ZNF492: variants seen among roughly 807,000 people sequenced by gnomAD.
The protein encoded by ZNF492 is zinc finger protein 492, also known as zinc finger protein 115 (Y20).
Under a neutral mutation model 6.4 loss-of-function variants are expected in ZNF492, and 3 were observed. The observed-to-expected ratio is 0.47, with a 90% CI of 0.21 to 1.22. The LOEUF (loss-of-function observed/expected upper bound fraction) is 1.22, where lower values mean the gene tolerates loss of function less well. Among genes scored for constraint, ZNF492 ranks in the 50% most tolerant of loss-of-function variants. The pLI, the probability that ZNF492 is intolerant of heterozygous loss-of-function variation, is 0.22. For missense variants in ZNF492, 356 were observed against 612.5 expected (o/e 0.58, Z 4.42); for synonymous variants, 112 against 205.3 (o/e 0.55, Z 3.89).
At chr19:22,651,363 T>TA (rs1971938333) in intron 1 of ZNF492, among the ~76,000 whole-genome samples, 1 of 152,008 alleles carries the variant, frequency 6.6e-6, no homozygotes, top group Non-Finnish European at 1.5e-5. Context: ...GCCCTGCCCC[T>TA]AAAAAATGGC....
intron 1 of ZNF492, among the ~76,000 whole-genome samples, chr19:22,641,828 C>G (rs369551345): frequency 2.0e-5 from 3 of 152,128 alleles, no homozygotes; most frequent in Non-Finnish European, 4.4e-5. Context: ...GAGTCTTGCT[C>G]TGTTGCCCAG....
chr19:22,656,382 A>C (rs62118813), intron 3 of ZNF492, among the ~76,000 whole-genome samples: 24,037 of 150,930 alleles, frequency 0.16, 2,721 homozygotes, highest in African/African-American at 0.33. Flanking sequence ...AGATTTCTGC[A>C]CTTGGGTCTG....
intron 3 of ZNF492, among the ~76,000 whole-genome samples, chr19:22,660,146 G>GT (rs1035596934): frequency 3.1e-4 from 47 of 151,494 alleles, no homozygotes; most frequent in Admixed American, 2.2e-3. Context: ...CCCTTTTAGT[G>GT]TTTTTTATCA....
At chr19:22,636,777 G>A (rs1184037771) in intron 1 of ZNF492, among the ~76,000 whole-genome samples, 7 of 150,402 alleles carry the variant, frequency 4.7e-5, no homozygotes, top group African/African-American at 7.4e-5. Context: ...GGGATTACAG[G>A]CATGCGCCAC....
intron 1 of ZNF492, 61 bp downstream of exon 1, chr19:22,634,535 A>G: frequency 1.5e-6 from 2 of 1,348,934 alleles, no homozygotes; most frequent in Non-Finnish European, 2.1e-6. Context: ...ACCGGTGGCA[A>G]GAGGCTGTGG....
chr19:22,649,144 A>G (rs1971914252), intron 1 of ZNF492, among the ~76,000 whole-genome samples: 1 of 152,050 alleles, frequency 6.6e-6, no homozygotes, highest in South Asian at 2.1e-4. Flanking sequence ...ATCCCTCAGC[A>G]TTTGCTTGTC....
intron 2 of ZNF492, 149 bp from the exon 3 acceptor site, chr19:22,653,771 A>G (rs1433319266): frequency 2.8e-6 from 2 of 716,116 alleles, no homozygotes; most frequent in East Asian, 3.2e-5. Context: ...AAATTAAAAT[A>G]TTTCCTAAAT....
chr19:22,645,602 A>G (rs1362978976), intron 1 of ZNF492, among the ~76,000 whole-genome samples: 2 of 152,142 alleles, frequency 1.3e-5, no homozygotes, highest in African/African-American at 4.8e-5. Flanking sequence ...GCCGATGCCT[A>G]TGTCCTGAAT....
In ZNF492 at chr19:22,666,571, A is replaced by C. The variant is rs1478930474; in HGVS notation, c.*1306A>C. ...TATGAGGATTATTTTTTATTAGGTG[A>C]GCATTTATGACCTCTTCTATGAAAG... On this transcript the variant is annotated 3_prime_UTR_variant, in exon 4 of 4. Transcript: ENST00000456783. The C allele has an allele frequency of 2.0e-5, 3 of 152,086 alleles. No homozygotes were observed. Among genetic ancestry groups the C allele is most frequent in the African/African-American group, 7.2e-5 (3 of 41,436 alleles). 9.4% of individuals were successfully genotyped at this position (152,086 alleles called of 1,614,324 possible).
At chr19:22,659,840 A>G (rs1158093545) in intron 3 of ZNF492, among the ~76,000 whole-genome samples, 2 of 151,448 alleles carry the variant, frequency 1.3e-5, no homozygotes, top group African/African-American at 4.9e-5. Context: ...TAATTTTTGT[A>G]TTTTTAGTAG....
At position 22,665,373 on chromosome 19, in the gene ZNF492, A is replaced by T. The variant is rs942256586; in HGVS notation, c.*108A>T. Reference sequence around the variant, plus strand: ...ACAAGTGTGAATGAACAGTGTGGCAAAACTTACACAATGCTCAAACCTTAT... The same window carrying T: ...ACAAGTGTGAATGAACAGTGTGGCATAACTTACACAATGCTCAAACCTTAT... On this transcript the variant is annotated 3_prime_UTR_variant, in exon 4 of 4. Coordinates refer to ENST00000456783, the MANE Select transcript of ZNF492 (RefSeq NM_020855.3). 1 of 1,481,460 alleles carries T rather than the reference A, an allele frequency of 6.8e-7. No individual in the cohort carries two copies. The highest frequency in any genetic ancestry group is 9.0e-7 in the Non-Finnish European group (1 of 1,117,282). 91.8% of individuals were successfully genotyped at this position (1,481,460 alleles called of 1,614,324 possible).
chr19:22,635,410 A>G (rs1364054359), intron 1 of ZNF492, among the ~76,000 whole-genome samples: 1 of 152,136 alleles, frequency 6.6e-6, no homozygotes, highest in Admixed American at 6.5e-5. Flanking sequence ...CCTAATTTAC[A>G]TTATTATTTG....
chr19:22,641,525 G>C lies in ZNF492; in HGVS notation c.-94+7051G>C, dbSNP rs189838383. ...GGATTGTTTTGCTTCTGACTGTGTG[G>C]TCAATTTTAGAGTATGTGCCACGTG... On this transcript the variant is annotated intron_variant, in intron 1 of 3. Transcript: ENST00000456783. 7.2e-5 allele frequency among the ~76,000 whole-genome samples: 11 copies of C among 152,224 alleles called. No individual in the cohort carries two copies. In the East Asian group the frequency reaches 2.1e-3, roughly 29 times the overall value.
chr19:22,649,326 G>A (rs960639436), intron 1 of ZNF492, among the ~76,000 whole-genome samples: 2 of 152,112 alleles, frequency 1.3e-5, no homozygotes, highest in African/African-American at 4.8e-5. Flanking sequence ...TTATTTTGTA[G>A]GTGACCTGGC....
At position 22,653,421 on chromosome 19, in the gene ZNF492, C is replaced by T; in HGVS notation, c.22C>T (p.Leu8=). 1 of 1,613,872 alleles carries T rather than the reference C, an allele frequency of 6.2e-7. No homozygotes were observed. The highest frequency in any genetic ancestry group is 1.1e-5 in the South Asian group (1 of 91,018). The change falls in exon 2 of 4, where the codon CTG becomes TTG. Residue 8 remains leucine (L), a synonymous_variant. Coordinates refer to ENST00000456783, the MANE Select transcript of ZNF492 (RefSeq NM_020855.3). MLENYRN[L]VFVGIAASKP... The stretch of plus-strand genomic sequence containing the variant: ...TGTGATGTTAGAGAACTACAGAAAC[C>T]TGGTCTTCGTGGGTGAGGATAACTT...
chr19:22,643,433 A>G (rs546657677), intron 1 of ZNF492, among the ~76,000 whole-genome samples: 1 of 152,338 alleles, frequency 6.6e-6, no homozygotes, highest in East Asian at 1.9e-4. Flanking sequence ...GTGTTGTGAC[A>G]AGAGTGCCAA....
intron 1 of ZNF492, among the ~76,000 whole-genome samples, chr19:22,636,218 C>G (rs1971761097): frequency 6.6e-6 from 1 of 151,840 alleles, no homozygotes; most frequent in East Asian, 1.9e-4. Flanking sequence ...TCCTGCCTCA[C>G]CCTCCCAAGT....
intron 3 of ZNF492, among the ~76,000 whole-genome samples, chr19:22,654,769 T>G (rs1971977359): frequency 6.6e-6 from 1 of 151,144 alleles, no homozygotes; most frequent in Non-Finnish European, 1.5e-5. Flanking sequence ...GCCTGACTAA[T>G]TTTTGTATTT....
intron 3 of ZNF492, among the ~76,000 whole-genome samples, chr19:22,655,794 A>G (rs1028561848): frequency 3.1e-5 from 4 of 130,100 alleles, no homozygotes; most frequent in Non-Finnish European, 6.4e-5. Flanking sequence ...AGGAGCAAAC[A>G]CCTCTTCAAG....
Sources: allele counts gnomAD v4.1 joint callset (sites outside exome capture counted in the v4.1 genomes callset), GRCh38; gene constraint gnomAD v4.1.1; transcripts MANE v1.5; gene names NCBI Gene and HGNC (gene_info 2026-07-23, HGNC 2026-07-21).